Variants in FBXW12 observed in about 807,000 individuals in gnomAD.
The protein encoded by FBXW12 is F-box and WD repeat domain containing 12.
Under a neutral mutation model 55.3 loss-of-function variants are expected in FBXW12, and 43 were observed. The ratio of observed to expected loss-of-function variants is 0.78; its 90% CI spans 0.61 to 1.00. FBXW12 has a LOEUF of 1.00. FBXW12 is among the 50% of genes least tolerant of loss of function. FBXW12 has a pLI of 0.00. For synonymous variants in FBXW12, 184 were observed against 203.8 expected (o/e 0.90, Z 0.83); for missense variants, 524 against 560.5 (o/e 0.93, Z 0.66).
At chr3:48,390,431 T>C (rs2036907193) in intron 10 of FBXW12, among the ~76,000 whole-genome samples, 1 of 146,838 alleles carries the variant, frequency 6.8e-6, no homozygotes, top group African/African-American at 2.5e-5. Context: ...TTTTTTTTTT[T>C]TGAGGCAGAG....
chr3:48,394,331 C>T (rs983480497), intron 10 of FBXW12, among the ~76,000 whole-genome samples: 18 of 152,154 alleles, frequency 1.2e-4, no homozygotes, highest in Non-Finnish European at 2.6e-4. Flanking sequence ...CAGATACTGA[C>T]AATTCTGGCA....
At chr3:48,392,507 T>G (rs1428365767) in intron 10 of FBXW12, among the ~76,000 whole-genome samples, 1 of 147,654 alleles carries the variant, frequency 6.8e-6, no homozygotes, top group Admixed American at 6.7e-5. Flanking sequence ...TTGATTACTA[T>G]AGTTTTGTGA....
chr3:48,389,128 T>G (rs537518993), intron 10 of FBXW12, among the ~76,000 whole-genome samples: 1 of 152,278 alleles, frequency 6.6e-6, no homozygotes, highest in East Asian at 1.9e-4. Flanking sequence ...TGGTGGCTCA[T>G]CCCTGTAATC....
At position 48,372,788 on chromosome 3, in the gene FBXW12, C is replaced by T; in HGVS notation, c.21C>T (p.Asp7=). 3.1e-6 allele frequency: 5 copies of T among 1,614,238 alleles called. No homozygotes were observed. Among genetic ancestry groups the T allele is most frequent in the Non-Finnish European group, 3.4e-6 (4 of 1,180,038 alleles). MEIRLP[D]LALKRIFSFL... The stretch of plus-strand genomic sequence containing the variant: ...ATGAAATGGAGATCCGATTGCCTGA[C>T]TTAGCTTTGAAGCGAATCTTCTCTT... Residue 7 remains aspartate (D), a synonymous_variant, in exon 2 of 11, where the codon GAC becomes GAT. Coordinates refer to ENST00000296438, the MANE Select transcript of FBXW12 (RefSeq NM_207102.2).
Position 48,380,707 on chromosome 3 carries a change from C to G in FBXW12, c.780C>G (p.Phe260Leu). The G allele has an allele frequency of 6.2e-7, 1 of 1,612,504 alleles. No homozygotes were observed. The highest frequency in any genetic ancestry group is 1.1e-5 in the South Asian group (1 of 91,042). ...GCATGCGATGCTCTCTTTAGGTATT[C>G]CTCACAGAGTCCTTACTGAGACCAT... ...GTYSRTLPQV[F>L]LTESLLRPSE... Residue 260 changes from phenylalanine to leucine, a missense_variant, in exon 8 of 11, where the codon TTC becomes TTG. Physicochemically the swap from Phe to Leu is conservative, Grantham distance 22. Coordinates refer to ENST00000296438, the MANE Select transcript of FBXW12 (RefSeq NM_207102.2).
intron 10 of FBXW12, among the ~76,000 whole-genome samples, chr3:48,389,605 A>G (rs924393861): frequency 5.9e-5 from 9 of 152,076 alleles, no homozygotes; most frequent in African/African-American, 2.2e-4. Context: ...TGAGCTCCTG[A>G]CCTCAAGTGA....
At chr3:48,382,404 G>A (rs1575361586) in intron 10 of FBXW12, among the ~76,000 whole-genome samples, 2 of 151,968 alleles carry the variant, frequency 1.3e-5, no homozygotes, top group Non-Finnish European at 2.9e-5. Flanking sequence ...GTGAGCCACC[G>A]CACCCTGCCG....
Position 48,375,335 on chromosome 3 carries a change from C to A in FBXW12, c.287-19C>A. The stretch of plus-strand genomic sequence containing the variant: ...TCCCTTAACTATCTGGTGGCCAAGT[C>A]TTCTATGTTTCCTTCTAGCATTTGA... On this transcript the variant is annotated intron_variant, in intron 4 of 10. Transcript: ENST00000296438. 1 of 1,465,898 alleles carries A rather than the reference C, an allele frequency of 6.8e-7. No homozygotes were observed. The highest frequency in any genetic ancestry group is 1.1e-5 in the South Asian group (1 of 87,388). 90.8% of individuals were successfully genotyped at this position (1,465,898 alleles called of 1,614,324 possible). A position where few individuals can be genotyped will look rare whatever the true frequency, so the allele number is the denominator to read the frequency against.
At chr3:48,385,707 GC>G (rs1337789228) in intron 10 of FBXW12, among the ~76,000 whole-genome samples, 4 of 152,026 alleles carry the variant, frequency 2.6e-5, no homozygotes, top group Non-Finnish European at 5.9e-5. Flanking sequence ...ATGTTTTTGA[GC>G]ATGACCATTC....
At chr3:48,373,008 G>C in intron 2 of FBXW12, 151 bp downstream of exon 2, 1 of 834,212 alleles carries the variant, frequency 1.2e-6, no homozygotes, top group Non-Finnish European at 1.9e-6. Context: ...TAAACGAAAA[G>C]GACAAGCTGA....
In FBXW12 at chr3:48,375,425, T is replaced by G; in HGVS notation, c.358T>G (p.Cys120Gly). Residue 120 changes from cysteine to glycine, a missense_variant, in exon 5 of 11, where the codon TGT becomes GGT. Cys to Gly is a radical substitution (Grantham distance 159). Transcript: ENST00000296438. Reference sequence around the variant, plus strand: ...GGATGAACAGGAGAAATCAATCATTTGTAGTGTATCTCCAAAGCAAGAGCT... The same window carrying G: ...GGATGAACAGGAGAAATCAATCATTGGTAGTGTATCTCCAAAGCAAGAGCT... ...TVDEQEKSII[C>G]SVSPKQELCA... is the part of the protein sequence containing the mutation. The G allele has an allele frequency of 2.5e-6, 4 of 1,612,632 alleles. No homozygotes were observed. Among genetic ancestry groups the G allele is most frequent in the Non-Finnish European group, 3.4e-6 (4 of 1,179,608 alleles).
intron 1 of FBXW12, 164 bp from the exon 2 acceptor site, chr3:48,372,520 T>C (rs1368371051): frequency 9.9e-6 from 10 of 1,015,192 alleles, no homozygotes; most frequent in Non-Finnish European, 1.4e-5. Flanking sequence ...TGAGCTCCTC[T>C]AAACAATGAA....
At chr3:48,392,986 C>CTTTTT (rs782102353) in intron 10 of FBXW12, among the ~76,000 whole-genome samples, 2 of 125,162 alleles carry the variant, frequency 1.6e-5, no homozygotes, top group Non-Finnish European at 3.3e-5. Context: ...AAGGGGTACC[C>CTTTTT]TTTTTTTTTT....
intron 5 of FBXW12, among the ~76,000 whole-genome samples, chr3:48,376,916 A>C (rs2107155817): frequency 6.6e-6 from 1 of 152,290 alleles, no homozygotes; most frequent in Middle Eastern, 3.4e-3. Context: ...AACAGTGACT[A>C]TGTTATCCTG....
At chr3:48,381,317 C>T (rs569144256) in intron 8 of FBXW12, among the ~76,000 whole-genome samples, 4 of 151,856 alleles carry the variant, frequency 2.6e-5, no homozygotes, top group Non-Finnish European at 4.4e-5. Flanking sequence ...CCATCGCACC[C>T]GGCCAGGAGC....
chr3:48,372,493 C>G (rs1575356714), intron 1 of FBXW12, among the ~76,000 whole-genome samples, 173 bp downstream of exon 1: 1 of 152,220 alleles, frequency 6.6e-6, no homozygotes, highest in Non-Finnish European at 1.5e-5. Context: ...CTCCAGCTCA[C>G]AGCGCACAGG....
intron 10 of FBXW12, among the ~76,000 whole-genome samples, chr3:48,390,395 T>A (rs1296000397): frequency 1.4e-5 from 2 of 147,946 alleles, no homozygotes; most frequent in Non-Finnish European, 3.0e-5. Flanking sequence ...TAATGTCACC[T>A]AGGATTTCCT....
At chr3:48,373,266 T>C in intron 2 of FBXW12, 42 bp from the exon 3 acceptor site, 1 of 1,614,114 alleles carries the variant, frequency 6.2e-7, no homozygotes, top group Non-Finnish European at 8.5e-7. Context: ...TGCTCTCTGA[T>C]GTAACTGATT....
chr3:48,388,937 T>C (rs2106651912), intron 10 of FBXW12, among the ~76,000 whole-genome samples: 1 of 152,308 alleles, frequency 6.6e-6, no homozygotes. Flanking sequence ...ATAGCCACCA[T>C]GCTCACCAGA....
Sources: allele counts gnomAD v4.1 joint callset (sites outside exome capture counted in the v4.1 genomes callset), GRCh38; gene constraint gnomAD v4.1.1; transcripts MANE v1.5; gene names NCBI Gene and HGNC (gene_info 2026-07-23, HGNC 2026-07-21).